The following NRXN3 variants were observed in gnomAD, a reference collection of about 807,000 sequenced individuals.
The protein encoded by NRXN3 is neurexin 3, also known as neurexin III.
A neutral mutation model predicts 137.6 loss-of-function variants in NRXN3; 32 were observed. The observed-to-expected ratio is 0.23, with a 90% CI of 0.18 to 0.31. NRXN3 has a LOEUF of 0.31. Among genes scored for constraint, NRXN3 ranks in the 10% least tolerant of loss-of-function variants. The probability of loss-of-function intolerance (pLI) is 1.00; values close to 1 mark genes in which losing one functional copy is unlikely to be tolerated. For missense variants in NRXN3, 1,574 were observed against 2,062.5 expected, an observed-to-expected ratio of 0.76 and a Z score of 4.59; for synonymous variants, 798 against 784.5, an observed-to-expected ratio of 1.02 and a Z score of -0.29.
At chr14:78,217,048 A>T (rs2063362718) in intron 1 of NRXN3, among the ~76,000 whole-genome samples, 1 of 152,146 alleles carries the variant, frequency 6.6e-6, no homozygotes. Flanking sequence ...AGTCACATTC[A>T]CAGGTACCAG....
intron 18 of NRXN3, 92 bp from the exon 19 acceptor site, chr14:79,697,538 A>G: frequency 7.3e-7 from 1 of 1,371,354 alleles, no homozygotes; most frequent in East Asian, 2.3e-5. Flanking sequence ...TGCTCAAGGA[A>G]GCCTGTTATG....
intron 1 of NRXN3, among the ~76,000 whole-genome samples, chr14:78,175,843 C>T (rs752974297): frequency 1.3e-5 from 2 of 152,214 alleles, no homozygotes; most frequent in Non-Finnish European, 2.9e-5. Flanking sequence ...GGCTGCTTTC[C>T]AGCCCATGAC....
intron 8 of NRXN3, among the ~76,000 whole-genome samples, chr14:78,796,274 C>A (rs576872267): frequency 2.0e-5 from 3 of 152,358 alleles, no homozygotes; most frequent in African/African-American, 7.2e-5. Flanking sequence ...CCAGAGTCCA[C>A]CATCTTTCCC....
intron 19 of NRXN3, among the ~76,000 whole-genome samples, chr14:79,781,829 G>A (rs760625586): frequency 6.6e-6 from 1 of 152,126 alleles, no homozygotes; most frequent in Non-Finnish European, 1.5e-5. Context: ...GTTTTACTGG[G>A]GCTACTTATC....
At chr14:79,390,860 G>A (rs1741287048) in intron 15 of NRXN3, among the ~76,000 whole-genome samples, 1 of 152,178 alleles carries the variant, frequency 6.6e-6, no homozygotes, top group South Asian at 2.1e-4. Context: ...TAGGTCATGA[G>A]GGCTCTGCCT....
chr14:79,056,561 A>G (rs1304535220), intron 15 of NRXN3, among the ~76,000 whole-genome samples: 1 of 152,204 alleles, frequency 6.6e-6, no homozygotes, highest in Non-Finnish European at 1.5e-5. Flanking sequence ...GTTATTAATT[A>G]AGATGGTAAA....
chr14:78,364,331 C>T (rs1303874156), intron 4 of NRXN3, among the ~76,000 whole-genome samples: 2 of 152,144 alleles, frequency 1.3e-5, no homozygotes, highest in Admixed American at 1.3e-4. Context: ...TTACTGTATG[C>T]ATAGCTGGGA....
At chr14:79,314,701 C>T (rs1036470821) in intron 15 of NRXN3, among the ~76,000 whole-genome samples, 8 of 144,090 alleles carry the variant, frequency 5.6e-5, no homozygotes, top group East Asian at 4.2e-4. Flanking sequence ...GTTCTCCCAG[C>T]ACGCAGCTGG....
At chr14:79,388,904 C>T (rs2094742386) in intron 15 of NRXN3, among the ~76,000 whole-genome samples, 1 of 152,044 alleles carries the variant, frequency 6.6e-6, no homozygotes, top group Non-Finnish European at 1.5e-5. Context: ...CGAGATCTGG[C>T]GGTTTTATAA....
At chr14:78,437,057 A>G (rs67267603) in intron 4 of NRXN3, among the ~76,000 whole-genome samples, 16,513 of 152,220 alleles carry the variant, frequency 0.11, 1,338 homozygotes, top group African/African-American at 0.22. Flanking sequence ...CATTTGGAAA[A>G]TGGAGTAAAT....
chr14:79,754,487 A>C (rs2099010749), intron 19 of NRXN3, among the ~76,000 whole-genome samples: 1 of 112,998 alleles, frequency 8.8e-6, no homozygotes, highest in Non-Finnish European at 1.8e-5. Context: ...GGGAAGACTC[A>C]CTCTCACTCT....
intron 10 of NRXN3, among the ~76,000 whole-genome samples, chr14:78,893,589 T>A (rs2099165435): frequency 6.6e-6 from 1 of 151,972 alleles, no homozygotes; most frequent in Non-Finnish European, 1.5e-5. Context: ...AACAATCTCA[T>A]TTATCTTCCC....
At chr14:79,076,863 A>T (rs1008583522) in intron 15 of NRXN3, among the ~76,000 whole-genome samples, 2 of 152,178 alleles carry the variant, frequency 1.3e-5, no homozygotes, top group African/African-American at 4.8e-5. Context: ...CTTGCCACAG[A>T]GTAGAGAAGC....
rs146433251 is a variant in NRXN3 at position 79,297,317 on chromosome 14, G to A, written c.3263-169904G>A. Among the ~76,000 whole-genome samples, 384 of 152,186 alleles carry A rather than the reference G, an allele frequency of 2.5e-3. 3 individuals carry two copies. Among genetic ancestry groups the A allele is most frequent in the African/African-American group, 8.9e-3 (368 of 41,528 alleles). The stretch of plus-strand genomic sequence containing the variant: ...TGTTAGAAAATAAAAATGCAAGACA[G>A]CCAATTAAATTTGTATTCAGATAAA... On this transcript the variant is annotated intron_variant, in intron 15 of 20. Transcript: ENST00000335750.
chr14:78,743,129 C>T (rs1292116114), intron 8 of NRXN3, among the ~76,000 whole-genome samples: 1 of 152,152 alleles, frequency 6.6e-6, no homozygotes, highest in African/African-American at 2.4e-5. Context: ...ACTATAAATC[C>T]TAGCTTCCTC....
intron 4 of NRXN3, among the ~76,000 whole-genome samples, chr14:78,491,964 G>A (rs1241561243): frequency 1.3e-5 from 2 of 152,172 alleles, no homozygotes; most frequent in Non-Finnish European, 1.5e-5. Context: ...GACCAGGAAG[G>A]TGCTGAGATT....
chr14:78,669,766 G>A (rs2097918318), intron 6 of NRXN3, among the ~76,000 whole-genome samples: 1 of 152,144 alleles, frequency 6.6e-6, no homozygotes, highest in South Asian at 2.1e-4. Context: ...TATAATTAGT[G>A]TATAATGAGC....
At chr14:78,939,995 C>T (rs2099349977) in intron 10 of NRXN3, among the ~76,000 whole-genome samples, 2 of 152,122 alleles carry the variant, frequency 1.3e-5, no homozygotes, top group South Asian at 4.1e-4. Flanking sequence ...ACGTTGCAGC[C>T]TGTTTAAGAT....
intron 4 of NRXN3, among the ~76,000 whole-genome samples, chr14:78,484,406 G>C (rs1166608564): frequency 6.6e-6 from 1 of 152,152 alleles, no homozygotes; most frequent in African/African-American, 2.4e-5. Flanking sequence ...CAGTGAAGTT[G>C]CAGGTTTCAG....
Sources: gnomAD v4.1 joint callset for allele counts (sites outside exome capture counted in the v4.1 genomes callset) on GRCh38, gnomAD v4.1.1 for gene constraint, MANE v1.5 for transcripts, NCBI Gene and HGNC (gene_info 2026-07-23, HGNC 2026-07-21) for gene names.